Variants in LY6S observed in about 807,000 individuals in gnomAD.
LY6S encodes the protein lymphocyte antigen 6 family member S.
the LY6S span, chr8:143,042,437 C>T: frequency 6.5e-6 from 1 of 153,202 alleles, no homozygotes; most frequent in African/African-American, 2.4e-5. Context: ...AGAGTTCTGC[C>T]AGAAGAGCCA....
At chr8:143,075,341 T>C in the LY6S span, among the ~76,000 whole-genome samples, 1 of 152,158 alleles carries the variant, frequency 6.6e-6, no homozygotes, top group African/African-American at 2.4e-5. This position sits in a 1 kb window ranked among gnomAD's most constrained non-coding sequence, Gnocchi z 4.1. Flanking sequence ...AACTCCAGCA[T>C]TGATCACCTA....
At chr8:143,056,799 T>C in the LY6S span, among the ~76,000 whole-genome samples, 114,974 of 152,082 alleles carry the variant, frequency 0.76, 43,805 homozygotes, top group East Asian at 0.93. Context: ...TAATTTTGCT[T>C]TAACAGATGT....
At chr8:143,062,444 G>C in the LY6S span, among the ~76,000 whole-genome samples, 1 of 152,188 alleles carries the variant, frequency 6.6e-6, no homozygotes, top group Non-Finnish European at 1.5e-5. Context: ...AAGGCGGGTG[G>C]ATCATGAGGT....
the LY6S span, among the ~76,000 whole-genome samples, chr8:143,070,446 GTATATATA>G: frequency 1.4e-5 from 1 of 69,536 alleles, no homozygotes. Context: ...TATATATATT[GTATATATA>G]TATATATATA....
At chr8:143,067,607 G>A in the LY6S span, among the ~76,000 whole-genome samples, 115,085 of 152,186 alleles carry the variant, frequency 0.76, 43,853 homozygotes, top group East Asian at 0.93. Context: ...GAGGACCCGC[G>A]TCGGCGCTGG....
chr8:143,073,466 C>T, the LY6S span, among the ~76,000 whole-genome samples: 478 of 68,202 alleles, frequency 7.0e-3, 4 homozygotes, highest in African/African-American at 0.021. Context: ...GCCGTCGTCC[C>T]CGGGGCTCCT....
At chr8:143,060,818 C>A in the LY6S span, among the ~76,000 whole-genome samples, 72 of 151,702 alleles carry the variant, frequency 4.7e-4, no homozygotes, top group Admixed American at 1.1e-3. Flanking sequence ...TATAATGAGA[C>A]AGTAACCAAC....
At chr8:143,060,441 A>T in the LY6S span, among the ~76,000 whole-genome samples, 4 of 152,246 alleles carry the variant, frequency 2.6e-5, no homozygotes, top group Admixed American at 2.6e-4. Context: ...GAATTAGTGA[A>T]AGTATTAACG....
chr8:143,065,933 C>T, the LY6S span: 55 of 276,594 alleles, frequency 2.0e-4, 1 homozygote, highest in African/African-American at 1.0e-3. Flanking sequence ...GCTTTGGTGG[C>T]GGTCGTGGGG....
chr8:143,065,133 G>T, the LY6S span, among the ~76,000 whole-genome samples: 4 of 152,182 alleles, frequency 2.6e-5, no homozygotes, highest in African/African-American at 7.2e-5. Flanking sequence ...ACACTATGCA[G>T]TGCCCTGCTC....
the LY6S span, chr8:143,057,063 T>G: frequency 3.6e-6 from 1 of 278,194 alleles, no homozygotes; most frequent in Non-Finnish European, 7.5e-6. Context: ...TTTCTCCTCA[T>G]GGAGTAACTG....
At chr8:143,043,500 G>A in the LY6S span, among the ~76,000 whole-genome samples, 6 of 152,150 alleles carry the variant, frequency 3.9e-5, no homozygotes, top group African/African-American at 1.4e-4. Flanking sequence ...GGACGCTGAG[G>A]CCACCCAGGG....
At chr8:143,045,183 C>T in the LY6S span, among the ~76,000 whole-genome samples, 5,266 of 152,226 alleles carry the variant, frequency 0.035, 251 homozygotes, top group East Asian at 0.15. This position sits in a 1 kb window ranked among gnomAD's most constrained non-coding sequence, Gnocchi z 5.3. Flanking sequence ...CCAGCAGGCA[C>T]GCCTTCCGAG....
chr8:143,046,105 G>C, the LY6S span, among the ~76,000 whole-genome samples: 3 of 152,004 alleles, frequency 2.0e-5, no homozygotes, highest in Admixed American at 2.0e-4. Context: ...CTCTCACCTT[G>C]GCCTCCCAAA....
At chr8:143,071,195 A>ATGGACTACAGACTCAGGAGGCG in the LY6S span, among the ~76,000 whole-genome samples, 1 of 130,810 alleles carries the variant, frequency 7.6e-6, no homozygotes, top group African/African-American at 3.5e-5. Context: ...AAGACCCGGC[A>ATGGACTACAGACTCAGGAGGCG]GCATGGATGT....
the LY6S span, among the ~76,000 whole-genome samples, chr8:143,051,314 G>A: frequency 6.6e-6 from 1 of 152,304 alleles, no homozygotes; most frequent in South Asian, 2.1e-4. Flanking sequence ...GCCAAGGCGA[G>A]CGGATCATCT....
At chr8:143,058,921 G>A in the LY6S span, among the ~76,000 whole-genome samples, 1 of 152,152 alleles carries the variant, frequency 6.6e-6, no homozygotes, top group African/African-American at 2.4e-5. Flanking sequence ...TCCTATCTCT[G>A]TATGGCCTGG....
the LY6S span, among the ~76,000 whole-genome samples, chr8:143,063,395 T>G: frequency 3.9e-5 from 6 of 152,236 alleles, no homozygotes; most frequent in African/African-American, 1.4e-4. Flanking sequence ...CCATGCTGAA[T>G]GCAGCTCCCA....
the LY6S span, among the ~76,000 whole-genome samples, chr8:143,045,565 A>G: frequency 1.3e-5 from 2 of 151,294 alleles, no homozygotes; most frequent in Non-Finnish European, 3.0e-5. This position sits in a 1 kb window ranked among gnomAD's most constrained non-coding sequence, Gnocchi z 5.3. Flanking sequence ...CTTCCCTGCA[A>G]TTCTCACCCA....
Sources: gnomAD v4.1 joint callset for allele counts (sites outside exome capture counted in the v4.1 genomes callset) on GRCh38, gnomAD v4.1.1 for gene constraint, Gnocchi (gnomAD v3.1) non-coding constraint, MANE v1.5 for transcripts, NCBI Gene and HGNC (gene_info 2026-07-23, HGNC 2026-07-21) for gene names.